The following TOGARAM1 variants were observed in gnomAD, a reference collection of about 807,000 sequenced individuals.
TOGARAM1 encodes TOG array regulator of axonemal microtubules protein 1.
In TOGARAM1, 100 loss-of-function variants were observed where a neutral mutation model predicts 166.6. The ratio of observed to expected loss-of-function variants is 0.60; its 90% confidence interval spans 0.51 to 0.71. The LOEUF is 0.71. Ranked by LOEUF, TOGARAM1 falls within the 30% of genes least tolerant of loss-of-function variation. The probability of loss-of-function intolerance (pLI) is 0.00; values close to 1 mark genes in which losing one functional copy is unlikely to be tolerated. For synonymous variants in TOGARAM1, 758 were observed against 763.8 expected (o/e 0.99, Z 0.13); for missense variants, 2,029 against 2,102.7 (o/e 0.96, Z 0.69).
At chr14:45,011,515 T>C (rs138958873) in intron 6 of TOGARAM1, among the ~76,000 whole-genome samples, 202 of 152,262 alleles carry the variant, frequency 1.3e-3, no homozygotes, top group Non-Finnish European at 2.5e-3. Flanking sequence ...AGTTTTGCGA[T>C]GGTGCCCAGG....
At chr14:45,035,314 C>T (rs532308104) in intron 11 of TOGARAM1, among the ~76,000 whole-genome samples, 8 of 151,680 alleles carry the variant, frequency 5.3e-5, no homozygotes, top group South Asian at 4.2e-4. Context: ...GAGCTGAGAT[C>T]GTACCACTGC....
At chr14:45,031,791 T>C (rs1881173370) in intron 10 of TOGARAM1, among the ~76,000 whole-genome samples, 1 of 152,238 alleles carries the variant, frequency 6.6e-6, no homozygotes, top group African/African-American at 2.4e-5. Flanking sequence ...TCCTCAAGAC[T>C]AAACTAATAG....
chr14:45,050,180 G>T (rs1438793858), intron 14 of TOGARAM1, among the ~76,000 whole-genome samples: 1 of 152,142 alleles, frequency 6.6e-6, no homozygotes, highest in Non-Finnish European at 1.5e-5. Context: ...TGTGGAGAAA[G>T]GTAATATTTA....
chr14:45,064,384 G>T (rs1304197008), intron 16 of TOGARAM1, among the ~76,000 whole-genome samples: 1 of 152,026 alleles, frequency 6.6e-6, no homozygotes, highest in Non-Finnish European at 1.5e-5. Flanking sequence ...TCCAGCCTCG[G>T]TCTTCCAAAG....
At chr14:45,030,827 T>C (rs948559224) in intron 10 of TOGARAM1, among the ~76,000 whole-genome samples, 3 of 152,204 alleles carry the variant, frequency 2.0e-5, no homozygotes, top group African/African-American at 7.2e-5. Context: ...ATCTAAGTCC[T>C]GCCTCTCCCA....
At chr14:45,070,112 G>A (rs985537423) in intron 18 of TOGARAM1, among the ~76,000 whole-genome samples, 4 of 152,090 alleles carry the variant, frequency 2.6e-5, no homozygotes, top group Non-Finnish European at 4.4e-5. Flanking sequence ...AACCCGGGAG[G>A]TGGAGCTTGC....
chr14:45,013,636 G>T (rs1285911803), intron 7 of TOGARAM1, among the ~76,000 whole-genome samples: 1 of 152,168 alleles, frequency 6.6e-6, no homozygotes, highest in African/African-American at 2.4e-5. Context: ...ACCTTGAGAA[G>T]GGTAGTGAAA....
At chr14:45,032,417 A>G (rs1881216004) in intron 11 of TOGARAM1, 41 bp downstream of exon 11, 1 of 1,528,808 alleles carries the variant, frequency 6.5e-7, no homozygotes. Flanking sequence ...GCAGAGTTCA[A>G]AAGCTTTCTG....
At chr14:45,017,497 GA>G (rs1475518168) in intron 7 of TOGARAM1, among the ~76,000 whole-genome samples, 2 of 152,142 alleles carry the variant, frequency 1.3e-5, no homozygotes, top group Admixed American at 6.5e-5. Context: ...ATAACTCCCA[GA>G]TGCCCAGTTA....
At chr14:44,990,633 T>C (rs1252604002) in intron 1 of TOGARAM1, among the ~76,000 whole-genome samples, 1 of 152,222 alleles carries the variant, frequency 6.6e-6, no homozygotes, top group Non-Finnish European at 1.5e-5. Context: ...GGTTCTTCCT[T>C]GATTCAGCTG....
At chr14:45,003,205 G>A (rs1887768599) in intron 3 of TOGARAM1, among the ~76,000 whole-genome samples, 1 of 151,814 alleles carries the variant, frequency 6.6e-6, no homozygotes. Flanking sequence ...AAAAATAAAG[G>A]ATATATAATA....
chr14:45,017,690 C>T (rs1161094073), intron 7 of TOGARAM1, among the ~76,000 whole-genome samples: 1 of 152,132 alleles, frequency 6.6e-6, no homozygotes, highest in Admixed American at 6.5e-5. Context: ...TCGAGACCAG[C>T]CTGCCCAACA....
chr14:45,053,637 C>T (rs1882488927), intron 15 of TOGARAM1, among the ~76,000 whole-genome samples: 1 of 151,796 alleles, frequency 6.6e-6, no homozygotes, highest in South Asian at 2.1e-4. Flanking sequence ...CAGCTTAGTT[C>T]ATATTAGAAC....
At chr14:45,072,587 G>A (rs575654065) in intron 19 of TOGARAM1, among the ~76,000 whole-genome samples, 1 of 152,162 alleles carries the variant, frequency 6.6e-6, no homozygotes, top group African/African-American at 2.4e-5. Context: ...ACCACGCCTG[G>A]CTAGTTTTTT....
intron 14 of TOGARAM1, 102 bp downstream of exon 14, chr14:45,046,805 A>C: frequency 9.9e-7 from 1 of 1,012,352 alleles, no homozygotes; most frequent in Non-Finnish European, 1.3e-6. Context: ...TAAATGGAGA[A>C]GTGGGGTCCC....
chr14:44,992,072 TAAAAAAAAAAAA>T (rs71108676), intron 1 of TOGARAM1, among the ~76,000 whole-genome samples: 4 of 37,964 alleles, frequency 1.1e-4, no homozygotes, highest in Admixed American at 4.9e-4. Flanking sequence ...CCCTGTCTGT[TAAAAAAAAAAAA>T]AAAAAAAAAA....
chr14:45,059,022 CT>C (rs1406559638), intron 16 of TOGARAM1, among the ~76,000 whole-genome samples: 1 of 152,138 alleles, frequency 6.6e-6, no homozygotes, highest in African/African-American at 2.4e-5. Context: ...ATGACAAAGT[CT>C]ATTAACATTT....
At chr14:45,063,061 T>C (rs1177053878) in intron 16 of TOGARAM1, among the ~76,000 whole-genome samples, 1 of 152,224 alleles carries the variant, frequency 6.6e-6, no homozygotes, top group Non-Finnish European at 1.5e-5. Flanking sequence ...AATCATATGA[T>C]ATGTGGTCTT....
chr14:45,028,013 T>C (rs978039607), intron 9 of TOGARAM1, among the ~76,000 whole-genome samples, 163 bp from the exon 10 acceptor site: 1 of 152,144 alleles, frequency 6.6e-6, no homozygotes, highest in Non-Finnish European at 1.5e-5. Context: ...ATATTTTACA[T>C]GTACTATATA....
Sources: allele counts gnomAD v4.1 joint callset (sites outside exome capture counted in the v4.1 genomes callset), GRCh38; gene constraint gnomAD v4.1.1; transcripts MANE v1.5; gene names NCBI Gene and HGNC (gene_info 2026-07-23, HGNC 2026-07-21).